Variants in SORCS2 observed in about 807,000 individuals in gnomAD.
SORCS2 encodes the protein sortilin related VPS10 domain containing receptor 2, also known as VPS10 domain-containing receptor SorCS2.
Under a neutral mutation model 141.6 loss-of-function variants are expected in SORCS2, and 100 were observed. The ratio of observed to expected loss-of-function variants is 0.71; its 90% confidence interval spans 0.60 to 0.83. SORCS2 has a LOEUF of 0.83. Among genes scored for constraint, SORCS2 ranks in the 40% least tolerant of loss-of-function variants. SORCS2 has a pLI of 0.00. For missense variants in SORCS2, 1,646 were observed against 1,560.2 expected, an observed-to-expected ratio of 1.05 and a Z score of -0.93; for synonymous variants, 789 against 676.9, an observed-to-expected ratio of 1.17 and a Z score of -2.57.
At chr4:7,396,935 A>G (rs78234971) in intron 2 of SORCS2, among the ~76,000 whole-genome samples, 1 of 152,206 alleles carries the variant, frequency 6.6e-6, no homozygotes, top group East Asian at 1.9e-4. Context: ...TTTGGTTATC[A>G]TCCTCCTCAA....
At chr4:7,198,173 G>C (rs1727275522) in intron 1 of SORCS2, among the ~76,000 whole-genome samples, 1 of 152,178 alleles carries the variant, frequency 6.6e-6, no homozygotes, top group Non-Finnish European at 1.5e-5. Context: ...GAGTGGGCTG[G>C]AGAGAGGTGC....
chr4:7,400,538 A>G (rs1172229766), intron 2 of SORCS2, among the ~76,000 whole-genome samples: 1 of 152,260 alleles, frequency 6.6e-6, no homozygotes. Context: ...TGCCAGGTTT[A>G]TCTTATTGAT....
intron 1 of SORCS2, among the ~76,000 whole-genome samples, chr4:7,337,415 C>T (rs1720053735): frequency 6.6e-6 from 1 of 152,288 alleles, no homozygotes; most frequent in South Asian, 2.1e-4. Context: ...GATCAGGAGG[C>T]CTTCCTGAGC....
intron 3 of SORCS2, among the ~76,000 whole-genome samples, chr4:7,588,131 C>G (rs550766622): frequency 6.6e-6 from 1 of 152,302 alleles, no homozygotes; most frequent in Admixed American, 6.5e-5. Context: ...ATCTGGGTCC[C>G]TCTGAATAAG....
At chr4:7,715,992 C>T (rs1443316437) in intron 17 of SORCS2, among the ~76,000 whole-genome samples, 2 of 152,236 alleles carry the variant, frequency 1.3e-5, no homozygotes, top group East Asian at 1.9e-4. Flanking sequence ...ACAAGCTGTG[C>T]ATGAGGGGAA....
At chr4:7,539,138 C>T (rs1712365496) in intron 3 of SORCS2, among the ~76,000 whole-genome samples, 1 of 152,140 alleles carries the variant, frequency 6.6e-6, no homozygotes. Flanking sequence ...TCAGTGCTGC[C>T]CTGTCACCAC....
rs192301423 is a variant in SORCS2 at position 7,631,616 on chromosome 4, C to T, written c.649-6712C>T. Among the ~76,000 whole-genome samples the T allele has an allele frequency of 5.2e-4, 79 of 152,088 alleles. 1 individual carries two copies. The highest frequency in any genetic ancestry group is 1.9e-3 in the African/African-American group (78 of 41,404). On this transcript the variant is annotated intron_variant, in intron 3 of 26. Coordinates refer to ENST00000507866, the MANE Select transcript of SORCS2 (RefSeq NM_020777.3). ...GACTAGTACACCTCTCAGACCTACT[C>T]GGTGATGTTTCTGTCTGCTGTGACC...
chr4:7,455,935 A>G (rs760750652), intron 2 of SORCS2, among the ~76,000 whole-genome samples: 3 of 152,204 alleles, frequency 2.0e-5, no homozygotes, highest in Non-Finnish European at 4.4e-5. Context: ...CTGCCAAAAC[A>G]AAATACCTGG....
At chr4:7,626,803 C>T (rs1719542236) in intron 3 of SORCS2, among the ~76,000 whole-genome samples, 1 of 152,070 alleles carries the variant, frequency 6.6e-6, no homozygotes, top group Non-Finnish European at 1.5e-5. Flanking sequence ...CCCGTCTTGT[C>T]CTGTCCACAG....
chr4:7,351,254 C>T (rs1021942766), intron 1 of SORCS2, among the ~76,000 whole-genome samples: 6 of 152,164 alleles, frequency 3.9e-5, no homozygotes, highest in South Asian at 2.1e-4. Flanking sequence ...ATTCATAAAG[C>T]GGCAGAACAG....
intron 2 of SORCS2, among the ~76,000 whole-genome samples, chr4:7,503,044 C>T (rs949881922): frequency 3.3e-5 from 5 of 152,228 alleles, no homozygotes; most frequent in Non-Finnish European, 7.3e-5. Flanking sequence ...AGAGGCCCTG[C>T]CAGCGGTAGC....
At chr4:7,225,922 C>A (rs955989350) in intron 1 of SORCS2, among the ~76,000 whole-genome samples, 9 of 152,160 alleles carry the variant, frequency 5.9e-5, no homozygotes, top group African/African-American at 2.2e-4. Context: ...TTGGAAGCCA[C>A]AGAGTATCAC....
At chr4:7,511,149 C>T (rs1732616606) in intron 2 of SORCS2, among the ~76,000 whole-genome samples, 1 of 152,052 alleles carries the variant, frequency 6.6e-6, no homozygotes, top group South Asian at 2.1e-4. Context: ...TCAAGAGAGA[C>T]AATGACAGAC....
intron 3 of SORCS2, among the ~76,000 whole-genome samples, chr4:7,593,637 G>T (rs527363025): frequency 6.6e-6 from 1 of 152,000 alleles, no homozygotes; most frequent in Non-Finnish European, 1.5e-5. Flanking sequence ...GAGCCCAGCC[G>T]AAACCTGGCC....
chr4:7,720,701 T>A (rs971624470), intron 18 of SORCS2, among the ~76,000 whole-genome samples: 3 of 152,192 alleles, frequency 2.0e-5, no homozygotes, highest in African/African-American at 7.2e-5. Flanking sequence ...AAAAGACGTT[T>A]CACCAGGAGA....
In SORCS2 at chr4:7,555,610, C is replaced by G. The variant is rs528028204; in HGVS notation, c.648+23981C>G. 2.2e-4 allele frequency among the ~76,000 whole-genome samples: 34 copies of G among 152,374 alleles called. 1 individual carries two copies. The highest frequency in any genetic ancestry group is 2.9e-5 in the Non-Finnish European group (2 of 68,046). On this transcript the variant is annotated intron_variant, in intron 3 of 26. Coordinates refer to ENST00000507866, the MANE Select transcript of SORCS2 (RefSeq NM_020777.3). ...GATGAAAACAGACATAGCCCCTGCT[C>G]TCATTCCCTGAGGGAAACTGACGTT... is the stretch of plus-strand genomic sequence containing the variant.
intron 3 of SORCS2, among the ~76,000 whole-genome samples, chr4:7,550,191 G>A (rs1166695016): frequency 6.7e-6 from 1 of 150,104 alleles, no homozygotes; most frequent in African/African-American, 2.5e-5. Flanking sequence ...GCAAATGTTT[G>A]ATGGTCAACT....
At chr4:7,453,987 G>A (rs1177555060) in intron 2 of SORCS2, among the ~76,000 whole-genome samples, 1 of 118,100 alleles carries the variant, frequency 8.5e-6, no homozygotes, top group Admixed American at 8.6e-5. Flanking sequence ...GGGGTCAGGT[G>A]CTGTGTGTTG....
At position 7,229,146 on chromosome 4, in the gene SORCS2, A is replaced by T. The variant is rs139180477; in HGVS notation, c.480+36020A>T. Among the ~76,000 whole-genome samples the T allele has an allele frequency of 1.8e-3, 273 of 152,196 alleles. 1 individual carries two copies. The highest frequency in any genetic ancestry group is 5.9e-3 in the African/African-American group (243 of 41,528). ...GGGTGTCCTTTCTACTTTTGGGTAT[A>T]GGGGTAGCTTGCCGTGCTCGGAACC... On this transcript the variant is annotated intron_variant, in intron 1 of 26. Coordinates refer to ENST00000507866, the MANE Select transcript of SORCS2 (RefSeq NM_020777.3).
Sources: gnomAD v4.1 joint callset for allele counts (sites outside exome capture counted in the v4.1 genomes callset) on GRCh38, gnomAD v4.1.1 for gene constraint, MANE v1.5 for transcripts, NCBI Gene and HGNC (gene_info 2026-07-23, HGNC 2026-07-21) for gene names.